SHB: variants seen among roughly 807,000 people sequenced by gnomAD.
The protein encoded by SHB is SH2 domain containing adaptor protein B.
In SHB, 20 loss-of-function variants were observed where a neutral mutation model predicts 52.3. The observed-to-expected ratio is 0.38, with a 90% CI of 0.27 to 0.56. The LOEUF (loss-of-function observed/expected upper bound fraction) is 0.56, where lower values mean the gene tolerates loss of function less well. Among genes scored for constraint, SHB ranks in the 20% least tolerant of loss-of-function variants. SHB has a pLI of 0.71. For synonymous variants in SHB, 397 were observed against 316.5 expected (o/e 1.25, Z -2.70); for missense variants, 825 against 723.3 (o/e 1.14, Z -1.61).
intron 2 of SHB, among the ~76,000 whole-genome samples, chr9:38,005,154 A>T (rs1232061323): frequency 6.6e-6 from 1 of 152,226 alleles, no homozygotes; most frequent in Non-Finnish European, 1.5e-5. Context: ...CTGTGACGGC[A>T]TATGGACAGA....
At chr9:38,019,448 G>C (rs1334496683) in intron 1 of SHB, among the ~76,000 whole-genome samples, 1 of 152,224 alleles carries the variant, frequency 6.6e-6, no homozygotes, top group Non-Finnish European at 1.5e-5. Context: ...GGGCCCCTGT[G>C]TTTTTATCTT....
intron 3 of SHB, among the ~76,000 whole-genome samples, chr9:37,964,352 G>A (rs1322629996): frequency 6.6e-6 from 1 of 152,158 alleles, no homozygotes; most frequent in Non-Finnish European, 1.5e-5. Flanking sequence ...CCTGGGATGG[G>A]GACGGCGGGC....
chr9:38,023,623 C>T (rs1346935006), intron 1 of SHB, among the ~76,000 whole-genome samples: 1 of 152,212 alleles, frequency 6.6e-6, no homozygotes, highest in African/African-American at 2.4e-5. Flanking sequence ...TGTCCTATTT[C>T]TCAAACACAA....
At position 37,919,085 on chromosome 9, in the gene SHB, T is replaced by C. The variant is rs888544820; in HGVS notation, c.*736A>G. ...CTTGCTCTGGGAGTGAAACCAGAAC[T>C]GCCCCCTCAGAGACCCTCTGCAGTA... is the stretch of plus-strand genomic sequence containing the variant. On this transcript the variant is annotated 3_prime_UTR_variant, in exon 6 of 6. Coordinates refer to ENST00000377707, the MANE Select transcript of SHB (RefSeq NM_003028.3). The C allele has an allele frequency of 2.0e-5, 3 of 152,652 alleles. No individual in the cohort carries two copies. Among genetic ancestry groups the C allele is most frequent in the Admixed American group, 2.0e-4 (3 of 15,290 alleles). 9.5% of individuals were successfully genotyped at this position (152,652 alleles called of 1,614,324 possible).
rs1832118356 is a variant in SHB, at chr9:37,917,675, C to T, written c.*2146G>A. 1.3e-5 allele frequency among the ~76,000 whole-genome samples: 2 copies of T among 152,268 alleles called. No homozygotes were observed. The highest frequency in any genetic ancestry group is 1.3e-4 in the Admixed American group (2 of 15,290). The stretch of plus-strand genomic sequence containing the variant: ...TCCTCACTCATCTTGTCATTTCCCA[C>T]CTACCTTCCCACTCCCCCAAAGGAA... On this transcript the variant is annotated 3_prime_UTR_variant, in exon 6 of 6. Coordinates refer to ENST00000377707, the MANE Select transcript of SHB (RefSeq NM_003028.3).
intron 2 of SHB, among the ~76,000 whole-genome samples, chr9:37,981,589 T>G (rs566869758): frequency 6.6e-6 from 1 of 152,262 alleles, no homozygotes; most frequent in Admixed American, 6.5e-5. Flanking sequence ...TTCCTTTACA[T>G]CCACAACCTG....
At chr9:37,933,477 T>G (rs935246305) in intron 5 of SHB, among the ~76,000 whole-genome samples, 1 of 152,172 alleles carries the variant, frequency 6.6e-6, no homozygotes, top group African/African-American at 2.4e-5. Context: ...GCCCCAGGGC[T>G]GGAAGTGGAG....
In SHB at chr9:37,919,860, G is replaced by A. The variant is rs199670244; in HGVS notation, c.1491C>T (p.His497=). 444 of 1,613,980 alleles carry A rather than the reference G, an allele frequency of 2.8e-4. No individual in the cohort carries two copies. Among genetic ancestry groups the A allele is most frequent in the Non-Finnish European group, 2.1e-4 (250 of 1,180,008 alleles). The change falls in exon 6 of 6, where the codon CAC becomes CAT. Residue 497 remains histidine, a synonymous_variant. Coordinates refer to ENST00000377707, the MANE Select transcript of SHB (RefSeq NM_003028.3). Reference sequence around the variant, plus strand: ...CAGCCACGGGATAGAGGAGGGACAAGTGCTCAGCCCCTTTGATGGGTAGCT... The same window carrying A: ...CAGCCACGGGATAGAGGAGGGACAAATGCTCAGCCCCTTTGATGGGTAGCT... ...TRKLPIKGAE[H]LSLLYPVAVR... is the part of the protein sequence containing the mutation.
At chr9:37,962,620 C>T (rs774504212) in intron 3 of SHB, among the ~76,000 whole-genome samples, 19 of 151,986 alleles carry the variant, frequency 1.3e-4, no homozygotes, top group Non-Finnish European at 2.4e-4. Context: ...CATCCTCCTA[C>T]CTCAGCCTCC....
chr9:37,924,672 T>C (rs745527502), intron 5 of SHB, among the ~76,000 whole-genome samples: 5 of 152,112 alleles, frequency 3.3e-5, no homozygotes, highest in Non-Finnish European at 5.9e-5. Flanking sequence ...AAAACAGATA[T>C]AACAACACCC....
chr9:37,918,403 A>G lies in SHB; in HGVS notation c.*1418T>C, dbSNP rs1194943492. 8.9e-6 allele frequency among the ~76,000 whole-genome samples: 1 copy of G among 112,792 alleles called. No individual in the cohort carries two copies. Among genetic ancestry groups the G allele is most frequent in the African/African-American group, 3.4e-5 (1 of 29,830 alleles). The allele number at this position is 112,792 out of a possible 152,430, so 74.0% of individuals were successfully genotyped here. A position where few individuals can be genotyped will look rare whatever the true frequency, so the allele number is the denominator to read the frequency against. On this transcript the variant is annotated 3_prime_UTR_variant, in exon 6 of 6. Transcript: ENST00000377707. ...TGTAGGTGTTCTTGTGTGTGGAAGCAGTGTGGACCACTGAGGGCTGTGTGT... is the reference window on the plus strand; with the variant it reads ...TGTAGGTGTTCTTGTGTGTGGAAGCGGTGTGGACCACTGAGGGCTGTGTGT...
chr9:37,993,966 T>C (rs1285272173), intron 2 of SHB, among the ~76,000 whole-genome samples: 1 of 152,218 alleles, frequency 6.6e-6, no homozygotes. Context: ...GGGTGGAACA[T>C]GGCTAGAGTC....
intron 4 of SHB, among the ~76,000 whole-genome samples, chr9:37,953,570 T>A (rs1202593477): frequency 6.6e-6 from 1 of 152,116 alleles, no homozygotes; most frequent in Non-Finnish European, 1.5e-5. Flanking sequence ...ACCTTTCTGC[T>A]GTCCCAGGAG....
chr9:38,051,888 T>C (rs544763161), intron 1 of SHB, among the ~76,000 whole-genome samples: 4 of 152,252 alleles, frequency 2.6e-5, no homozygotes, highest in Non-Finnish European at 5.9e-5. Flanking sequence ...GTGGCTAACA[T>C]TTCTTTCCCT....
At chr9:37,997,723 G>C (rs1249598216) in intron 2 of SHB, among the ~76,000 whole-genome samples, 1 of 152,188 alleles carries the variant, frequency 6.6e-6, no homozygotes, top group Admixed American at 6.5e-5. Context: ...CACCACCTCA[G>C]GACTGGAACC....
chr9:38,060,849 G>T (rs2118191836), intron 1 of SHB, among the ~76,000 whole-genome samples: 1 of 152,292 alleles, frequency 6.6e-6, no homozygotes, highest in Admixed American at 6.5e-5. Context: ...TACAGATGTG[G>T]GTTTCAACCT....
intron 1 of SHB, among the ~76,000 whole-genome samples, chr9:38,030,476 T>A (rs1821399913): frequency 6.6e-6 from 1 of 152,172 alleles, no homozygotes; most frequent in African/African-American, 2.4e-5. Context: ...AAGTCAGGCA[T>A]AACGGGGATT....
At chr9:38,066,897 G>A (rs1045006662) in intron 1 of SHB, among the ~76,000 whole-genome samples, 3 of 152,210 alleles carry the variant, frequency 2.0e-5, no homozygotes, top group Non-Finnish European at 4.4e-5. Context: ...ACCTTTGGGG[G>A]AAGAAGGTGG....
intron 3 of SHB, among the ~76,000 whole-genome samples, chr9:37,962,432 C>T (rs1832702106): frequency 6.6e-6 from 1 of 152,128 alleles, no homozygotes; most frequent in African/African-American, 2.4e-5. Flanking sequence ...TTCCATTCAT[C>T]AGTCAACAAA....
Sources: gnomAD v4.1 joint callset for allele counts (sites outside exome capture counted in the v4.1 genomes callset) on GRCh38, gnomAD v4.1.1 for gene constraint, MANE v1.5 for transcripts, NCBI Gene and HGNC (gene_info 2026-07-23, HGNC 2026-07-21) for gene names.